GLI3: variants seen among roughly 807,000 people sequenced by gnomAD.
GLI3 encodes the protein transcription activator GLI3.
Under a neutral mutation model 100.8 loss-of-function variants are expected in GLI3, and 20 were observed. The observed-to-expected ratio is 0.20, with a 90% CI of 0.14 to 0.29. The LOEUF is 0.29. GLI3 is among the 10% of genes least tolerant of loss of function. The pLI is 1.00. For synonymous variants in GLI3, 938 were observed against 860.5 expected, an observed-to-expected ratio of 1.09 and a Z score of -1.58; for missense variants, 2,040 against 2,128.5, an observed-to-expected ratio of 0.96 and a Z score of 0.82.
intron 3 of GLI3, among the ~76,000 whole-genome samples, chr7:42,090,475 G>A (rs1785194047): frequency 6.6e-6 from 1 of 152,208 alleles, no homozygotes; most frequent in Admixed American, 6.5e-5. Context: ...TGTTTAAGAA[G>A]TCACCGTTCC....
chr7:42,115,782 C>T (rs190129722), intron 3 of GLI3, among the ~76,000 whole-genome samples: 53 of 152,246 alleles, frequency 3.5e-4, no homozygotes, highest in Non-Finnish European at 4.9e-4. Context: ...CAGTTTTATG[C>T]TCTCCGTGAT....
At chr7:42,115,362 A>C in intron 3 of GLI3, among the ~76,000 whole-genome samples, 1 of 151,840 alleles carries the variant, frequency 6.6e-6, no homozygotes. Flanking sequence ...CTGGTCTGGA[A>C]CTCCTGACCT....
intron 7 of GLI3, among the ~76,000 whole-genome samples, chr7:42,027,989 A>T (rs117428633): frequency 2.0e-5 from 3 of 152,220 alleles, no homozygotes; most frequent in Non-Finnish European, 4.4e-5. Flanking sequence ...CAAAAGATGC[A>T]TATCTGCCTC....
rs1334306244 is a variant in GLI3 at position 42,119,992 on chromosome 7, C to A, written c.367+28234G>T. On this transcript the variant is annotated intron_variant, in intron 3 of 14. Coordinates refer to ENST00000395925, the MANE Select transcript of GLI3 (RefSeq NM_000168.6). ...CACGCACACACGCCCTGGACCCTCG[C>A]ACTTATAGAGGGAGTTGTCTCCATC... 2.0e-5 allele frequency among the ~76,000 whole-genome samples: 3 copies of A among 152,268 alleles called. No individual in the cohort carries two copies. In the East Asian group the frequency reaches 5.8e-4, roughly 29 times the overall value.
rs181095868 is a variant in GLI3 at position 42,139,801 on chromosome 7, G to A, written c.367+8425C>T. On this transcript the variant is annotated intron_variant, in intron 3 of 14. Transcript: ENST00000395925. ...GAGCCCTGTGACCTGCGATGGAGTC[G>A]CACGCTGTCAAATTGAAAGCAGGGG... Among the ~76,000 whole-genome samples the A allele has an allele frequency of 2.5e-3, 379 of 152,312 alleles. 1 individual carries two copies. Among genetic ancestry groups the A allele is most frequent in the Non-Finnish European group, 4.1e-3 (277 of 68,030 alleles).
chr7:41,980,246 T>C (rs997713027), intron 10 of GLI3, among the ~76,000 whole-genome samples: 1 of 152,202 alleles, frequency 6.6e-6, no homozygotes. Flanking sequence ...GGGTTTCCTA[T>C]GAAAAGCCAG....
intron 10 of GLI3, among the ~76,000 whole-genome samples, chr7:41,991,019 C>T (rs1291969113): frequency 6.6e-6 from 1 of 152,008 alleles, no homozygotes; most frequent in Non-Finnish European, 1.5e-5. Flanking sequence ...GCCCACAGTC[C>T]CTGCTGAGCT....
intron 2 of GLI3, among the ~76,000 whole-genome samples, chr7:42,166,142 C>CTGTCCCAT (rs1458968329): frequency 6.6e-6 from 1 of 152,198 alleles, no homozygotes; most frequent in East Asian, 1.9e-4. Flanking sequence ...TCAGCCCCTT[C>CTGTCCCAT]TGTCCCATCT....
intron 10 of GLI3, among the ~76,000 whole-genome samples, chr7:41,995,802 C>CCATGCAGA (rs113783797): frequency 3.3e-5 from 5 of 152,234 alleles, no homozygotes; most frequent in African/African-American, 1.2e-4. Context: ...CCGAAAGCAT[C>CCATGCAGA]CATGCAGACA....
chr7:42,241,873 C>A (rs1359250827), upstream of GLI3, among the ~76,000 whole-genome samples: 2 of 152,178 alleles, frequency 1.3e-5, no homozygotes, highest in African/African-American at 4.8e-5. Flanking sequence ...TCTGGAAACT[C>A]GCTCACAGCG....
At chr7:42,135,563 T>G (rs1006024239) in intron 3 of GLI3, among the ~76,000 whole-genome samples, 3 of 152,220 alleles carry the variant, frequency 2.0e-5, no homozygotes, top group Non-Finnish European at 2.9e-5. Context: ...CCCAGTGGTC[T>G]TCTTCTTACT....
At chr7:42,160,170 T>C (rs963481173) in intron 2 of GLI3, among the ~76,000 whole-genome samples, 1 of 152,186 alleles carries the variant, frequency 6.6e-6, no homozygotes, top group Non-Finnish European at 1.5e-5. Context: ...CTTTATAAAC[T>C]GTGGCATTTA....
chr7:42,253,338 G>A (rs1789052559), intron 1 of GLI3, among the ~76,000 whole-genome samples: 1 of 152,188 alleles, frequency 6.6e-6, no homozygotes, highest in Non-Finnish European at 1.5e-5. Context: ...TCCAAGCCTG[G>A]TGTGCTCAGC....
At chr7:41,970,310 A>G (rs1562662938) in intron 13 of GLI3, among the ~76,000 whole-genome samples, 1 of 152,158 alleles carries the variant, frequency 6.6e-6, no homozygotes, top group East Asian at 1.9e-4. Flanking sequence ...CTAGAAATGT[A>G]AATTTCATGT....
intron 2 of GLI3, among the ~76,000 whole-genome samples, chr7:42,212,312 T>C (rs1179614146): frequency 6.6e-6 from 1 of 152,240 alleles, no homozygotes; most frequent in Non-Finnish European, 1.5e-5. Context: ...AACTCCTGAA[T>C]GTCCAAGTTA....
chr7:41,964,372 G>A lies in GLI3; in HGVS notation c.4701C>T (p.Thr1567=). ...MAIGDMSSLL[T]SLAEESKFLA... Reference sequence around the variant, plus strand: ...GGAATTTGCTTTCTTCCGCTAGGGAGGTCAGCAAAGAACTCATGTCCCCGA... The same window carrying A: ...GGAATTTGCTTTCTTCCGCTAGGGAAGTCAGCAAAGAACTCATGTCCCCGA... Residue 1567 remains threonine (T), a synonymous_variant, in exon 15 of 15, where the codon ACC becomes ACT. Transcript: ENST00000395925. 2.5e-6 allele frequency: 4 copies of A among 1,614,058 alleles called. No homozygotes were observed. Among genetic ancestry groups the A allele is most frequent in the Non-Finnish European group, 3.4e-6 (4 of 1,179,880 alleles).
intron 1 of GLI3, among the ~76,000 whole-genome samples, chr7:42,253,574 G>C (rs1789055338): frequency 6.6e-6 from 1 of 152,198 alleles, no homozygotes; most frequent in Admixed American, 6.5e-5. Flanking sequence ...GAATTAAATA[G>C]TTCTTAAGCA....
intron 1 of GLI3, among the ~76,000 whole-genome samples, chr7:42,230,763 C>A (rs1788682028): frequency 6.6e-6 from 1 of 152,174 alleles, no homozygotes; most frequent in African/African-American, 2.4e-5. Context: ...CTTGGTTAGG[C>A]ACTGCAGGAA....
chr7:42,164,662 C>G (rs1277985491), intron 2 of GLI3, among the ~76,000 whole-genome samples: 1 of 151,840 alleles, frequency 6.6e-6, no homozygotes, highest in African/African-American at 2.4e-5. Flanking sequence ...AACCCCATCT[C>G]TACTAAAAAT....
Sources: allele counts gnomAD v4.1 joint callset (sites outside exome capture counted in the v4.1 genomes callset), GRCh38; gene constraint gnomAD v4.1.1; transcripts MANE v1.5; gene names NCBI Gene and HGNC (gene_info 2026-07-23, HGNC 2026-07-21).